The following SVEP1 variants were observed in gnomAD, a reference collection of about 807,000 sequenced individuals.
The protein encoded by SVEP1 is sushi, von Willebrand factor type A, EGF and pentraxin domain-containing protein 1.
In SVEP1, 164 loss-of-function variants were observed where a neutral mutation model predicts 367.3. The ratio of observed to expected loss-of-function variants is 0.45; its 90% confidence interval spans 0.39 to 0.51. The LOEUF (loss-of-function observed/expected upper bound fraction) is 0.51, where lower values mean the gene tolerates loss of function less well. Among genes scored for constraint, SVEP1 ranks in the 20% least tolerant of loss-of-function variants. The pLI is 0.00. For synonymous variants in SVEP1, 1,666 were observed against 1,611.6 expected (o/e 1.03, Z -0.81); for missense variants, 4,117 against 4,425.3 (o/e 0.93, Z 1.98).
intron 34 of SVEP1, 102 bp downstream of exon 34, chr9:110,429,815 AATG>A: frequency 1.1e-6 from 1 of 873,360 alleles, no homozygotes; most frequent in Non-Finnish European, 1.8e-6. Context: ...TTAATTCAAA[AATG>A]TCCTCTGCAA....
At position 110,391,128 on chromosome 9, in the gene SVEP1, G is replaced by A. The variant is rs1827648420; in HGVS notation, c.9823-1541C>T. Among the ~76,000 whole-genome samples, 3 of 152,136 alleles carry A rather than the reference G, an allele frequency of 2.0e-5. No homozygotes were observed. In the South Asian group the frequency reaches 6.2e-4, roughly 32 times the overall value. On this transcript the variant is annotated intron_variant, in intron 40 of 47. Transcript: ENST00000374469. Reference sequence around the variant, plus strand: ...TGTCGTTTTCAAATTTCCAATTGTTGCATAAATTTCATAATTTATTCTTTA... The same window carrying A: ...TGTCGTTTTCAAATTTCCAATTGTTACATAAATTTCATAATTTATTCTTTA...
chr9:110,482,487 C>A lies in SVEP1; in HGVS notation c.2044G>T (p.Glu682Ter). The change falls in exon 11 of 48, where the codon GAA becomes TAA. Residue 682 changes from glutamate to a stop codon, truncating the protein, a stop_gained. Transcript: ENST00000374469. LOFTEE classifies it high-confidence loss of function. ...GTATGACTTCTGGTAATGACCAATT[C>A]AGCCCCTGGAAAGGAAAGAAGGCAG... ...EPQFSDNSGAELVITRSHTQG... is the reference protein window; with the variant it reads ...EPQFSDNSGA 1 of 1,567,786 alleles carries A rather than the reference C, an allele frequency of 6.4e-7. No individual in the cohort carries two copies. The highest frequency in any genetic ancestry group is 1.2e-5 in the South Asian group (1 of 85,756).
chr9:110,512,430 A>G (rs2118774475), intron 5 of SVEP1, among the ~76,000 whole-genome samples: 1 of 151,484 alleles, frequency 6.6e-6, no homozygotes, highest in South Asian at 2.1e-4. Flanking sequence ...GGTGGTGCCC[A>G]CTTTCTATTG....
chr9:110,387,321 T>G lies in SVEP1; in HGVS notation c.10024A>C (p.Asn3342His). ...EGPSEAHCTE[N>H]GTWSHPVPLC... ...GGGACTGGGTGGCTCCAGGTTCCAT[T>G]TTCTGTGCAGTGTGCCTCAGATGGC... The change falls in exon 42 of 48, where the codon AAT becomes CAT. Residue 3342 changes from asparagine to histidine, a missense_variant. By Grantham distance (68) the Asn-to-His change is moderately conservative. This residue lies in a region of SVEP1 where 1,765 missense variants were observed against 1,781.1 expected (regional missense o/e 0.99). Transcript: ENST00000374469. 1 of 1,607,372 alleles carries G rather than the reference T, an allele frequency of 6.2e-7. No homozygotes were observed. The highest frequency in any genetic ancestry group is 8.5e-7 in the Non-Finnish European group (1 of 1,178,348).
intron 43 of SVEP1, 139 bp from the exon 44 acceptor site, chr9:110,379,656 G>T (rs1191238267): frequency 1.2e-6 from 1 of 862,864 alleles, no homozygotes; most frequent in Non-Finnish European, 1.7e-6. Context: ...AGAATAGTAA[G>T]AACTAAAAGA....
chr9:110,390,227 TTATA>T (rs1827621529), intron 40 of SVEP1, among the ~76,000 whole-genome samples: 1 of 108,858 alleles, frequency 9.2e-6, no homozygotes, highest in African/African-American at 3.6e-5. Context: ...GTATATATAC[TTATA>T]TAAGTATGTG....
chr9:110,456,265 T>C (rs1476763785), intron 21 of SVEP1, among the ~76,000 whole-genome samples: 5 of 152,200 alleles, frequency 3.3e-5, no homozygotes, highest in African/African-American at 1.2e-4. Flanking sequence ...ACCCACTGAA[T>C]TAGAAATTCT....
At chr9:110,549,183 A>G (rs973495689) in intron 2 of SVEP1, among the ~76,000 whole-genome samples, 1 of 152,174 alleles carries the variant, frequency 6.6e-6, no homozygotes, top group African/African-American at 2.4e-5. Flanking sequence ...TCACTAAGAC[A>G]TAAACCTATA....
chr9:110,552,010 C>G (rs1487543593), intron 1 of SVEP1, among the ~76,000 whole-genome samples: 1 of 145,312 alleles, frequency 6.9e-6, no homozygotes, highest in Non-Finnish European at 1.5e-5. Flanking sequence ...GACAATAGAG[C>G]AGTGGTACCC....
In SVEP1 at chr9:110,496,929, C is replaced by G. The variant is rs2118741322; in HGVS notation, c.1686G>C (p.Val562=). The G allele has an allele frequency of 6.5e-7, 1 of 1,540,126 alleles. No individual in the cohort carries two copies. The highest frequency in any genetic ancestry group is 2.4e-5 in the East Asian group (1 of 40,846). The change falls in exon 8 of 48, where the codon GTG becomes GTC. Residue 562 remains valine (V), a synonymous_variant. Transcript: ENST00000374469. ...TAGGACAGTTGATTTGAGGAGCCTC[C>G]ACGTCTAACTCAGAAAAATACACAA... The part of the protein sequence containing the change: ...VGVQAAVCKD[V]EAPQINCPKD...
chr9:110,563,663 A>G (rs1208433684), intron 1 of SVEP1, among the ~76,000 whole-genome samples: 2 of 152,148 alleles, frequency 1.3e-5, no homozygotes, highest in Non-Finnish European at 2.9e-5. Flanking sequence ...TTTTTTTCTA[A>G]CCCGAAAGTA....
intron 3 of SVEP1, among the ~76,000 whole-genome samples, chr9:110,532,342 A>G (rs1830031598): frequency 6.6e-6 from 1 of 152,184 alleles, no homozygotes; most frequent in Non-Finnish European, 1.5e-5. Context: ...GCTGTGTCAG[A>G]GCTATAAATC....
At chr9:110,439,996 T>C (rs76406144) in intron 27 of SVEP1, among the ~76,000 whole-genome samples, 5,094 of 152,116 alleles carry the variant, frequency 0.033, 82 homozygotes, top group Middle Eastern at 0.058. Flanking sequence ...ATTATGAAAA[T>C]AACATAAAAT....
At chr9:110,568,734 G>A (rs1313926982) in intron 1 of SVEP1, among the ~76,000 whole-genome samples, 6 of 152,184 alleles carry the variant, frequency 3.9e-5, no homozygotes, top group Non-Finnish European at 5.9e-5. Flanking sequence ...AGTTTATATC[G>A]AATAAAATTA....
chr9:110,460,144 T>C (rs1290343138), intron 18 of SVEP1, among the ~76,000 whole-genome samples: 3 of 152,210 alleles, frequency 2.0e-5, no homozygotes, highest in Non-Finnish European at 4.4e-5. Context: ...CTAAGTAATA[T>C]GAATTGTAAT....
At chr9:110,449,812 C>T (rs1050881924) in intron 24 of SVEP1, among the ~76,000 whole-genome samples, 1 of 152,212 alleles carries the variant, frequency 6.6e-6, no homozygotes, top group Non-Finnish European at 1.5e-5. Flanking sequence ...AGTTCCCAAA[C>T]ATGGCTGTGC....
In SVEP1 at chr9:110,433,381, A is replaced by C. The variant is rs897188830; in HGVS notation, c.5060-746T>G. Among the ~76,000 whole-genome samples, 6 of 141,218 alleles carry C rather than the reference A, an allele frequency of 4.2e-5. No homozygotes were observed. In the Middle Eastern group the frequency reaches 0.011, roughly 260 times the overall value. 92.6% of individuals were successfully genotyped at this position (141,218 alleles called of 152,430 possible). ...AGATAGGCCAAAAAAAAAAAAAAAA[A>C]AAAAAACGGTGAATATATCAGGTGG... On this transcript the variant is annotated intron_variant, in intron 30 of 47. Transcript: ENST00000374469.
intron 42 of SVEP1, among the ~76,000 whole-genome samples, chr9:110,386,871 T>A (rs11792337): frequency 0.023 from 3,580 of 152,350 alleles, 45 homozygotes; most frequent in Middle Eastern, 0.051. Flanking sequence ...CGAATGGCTA[T>A]AACTCATTAT....
intron 40 of SVEP1, among the ~76,000 whole-genome samples, chr9:110,397,951 C>T (rs767894430): frequency 2.0e-4 from 30 of 150,640 alleles, no homozygotes; most frequent in South Asian, 4.2e-4. Context: ...CCATCCCCAT[C>T]GAGCAACCAA....
Sources: allele counts gnomAD v4.1 joint callset (sites outside exome capture counted in the v4.1 genomes callset), GRCh38; gene constraint gnomAD v4.1.1; regional missense constraint gnomAD v4.1.1; transcripts MANE v1.5; gene names NCBI Gene and HGNC (gene_info 2026-07-23, HGNC 2026-07-21).